Variants in RUNX1 observed in about 807,000 individuals in gnomAD.
RUNX1 encodes the protein RUNX family transcription factor 1.
Under a neutral mutation model 42.8 loss-of-function variants are expected in RUNX1, and 19 were observed. The observed-to-expected ratio is 0.44, with a 90% CI of 0.31 to 0.65. The LOEUF (loss-of-function observed/expected upper bound fraction) is 0.65. Ranked by LOEUF, RUNX1 falls within the 30% of genes least tolerant of loss-of-function variation. RUNX1 has a pLI of 0.07. For missense variants in RUNX1, 528 were observed against 672.0 expected (o/e 0.79, Z 2.37); for synonymous variants, 271 against 289.4 (o/e 0.94, Z 0.64).
chr21:35,010,195 G>GT (rs35963833), intron 2 of RUNX1, among the ~76,000 whole-genome samples: 88 of 151,122 alleles, frequency 5.8e-4, no homozygotes, highest in African/African-American at 1.9e-3. Context: ...GTTTCAAGGT[G>GT]TTTTTTTTTC....
At chr21:34,887,239 G>A (rs1001620502) in intron 3 of RUNX1, 143 bp from the exon 4 acceptor site, 2 of 1,107,422 alleles carry the variant, frequency 1.8e-6, no homozygotes, top group African/African-American at 3.3e-5. Flanking sequence ...TTACTGCGGG[G>A]GGTGGGGGGG....
chr21:34,930,299 T>TAA (rs1569110446), intron 2 of RUNX1, among the ~76,000 whole-genome samples: 50 of 143,708 alleles, frequency 3.5e-4, no homozygotes, highest in Admixed American at 2.2e-3. Flanking sequence ...TATAAATAAA[T>TAA]AAATAAAATT....
intron 2 of RUNX1, among the ~76,000 whole-genome samples, chr21:34,962,190 G>A (rs900343654): frequency 6.6e-6 from 1 of 152,218 alleles, no homozygotes; most frequent in Admixed American, 6.5e-5. Flanking sequence ...ACTGTGCCCA[G>A]CTGTAAGTTG....
intron 7 of RUNX1, among the ~76,000 whole-genome samples, chr21:34,817,131 C>T (rs2056837685): frequency 6.6e-6 from 1 of 152,208 alleles, no homozygotes; most frequent in Non-Finnish European, 1.5e-5. Flanking sequence ...AAAGTATCAA[C>T]AGTGAGCACA....
intron 6 of RUNX1, among the ~76,000 whole-genome samples, chr21:34,838,015 C>T (rs1020009100): frequency 6.6e-6 from 1 of 152,040 alleles, no homozygotes; most frequent in Non-Finnish European, 1.5e-5. Context: ...TAAGTCAATG[C>T]CGTTTGCAAA....
At chr21:34,835,919 C>T (rs969449512) in intron 6 of RUNX1, among the ~76,000 whole-genome samples, 6 of 152,148 alleles carry the variant, frequency 3.9e-5, no homozygotes, top group African/African-American at 1.4e-4. Flanking sequence ...CCAATGGCTA[C>T]AATTATAAAA....
At chr21:34,969,468 G>A (rs1251675352) in intron 2 of RUNX1, among the ~76,000 whole-genome samples, 1 of 152,122 alleles carries the variant, frequency 6.6e-6, no homozygotes, top group Non-Finnish European at 1.5e-5. Context: ...ATGAAACGTG[G>A]AGAAATAGCA....
At chr21:34,976,841 G>A (rs968666566) in intron 2 of RUNX1, among the ~76,000 whole-genome samples, 2 of 151,520 alleles carry the variant, frequency 1.3e-5, no homozygotes, top group African/African-American at 4.9e-5. Flanking sequence ...CATTCTGCTA[G>A]GTGATATCGG....
chr21:34,849,387 TATATA>T lies in RUNX1; in HGVS notation c.613+10082_613+10086del, dbSNP rs1194891479. Among the ~76,000 whole-genome samples the T allele has an allele frequency of 4.2e-3, 217 of 51,762 alleles. 21 individuals are homozygous for T. The highest frequency in any genetic ancestry group is 0.015 in the African/African-American group (199 of 13,350). 34.0% of individuals were successfully genotyped at this position (51,762 alleles called of 152,430 possible). A position where few individuals can be genotyped will look rare whatever the true frequency, so the allele number is the denominator to read the frequency against. On this transcript the variant is annotated intron_variant, in intron 6 of 8. Coordinates refer to ENST00000675419, the MANE Select transcript of RUNX1 (RefSeq NM_001754.5). Reference sequence around the variant, plus strand: ...TATTATATATACTATATACATAGTATATATAATATATTATACTATATATAATATAT... The same window carrying T: ...TATTATATATACTATATACATAGTATATATATTATACTATATATAATATAT...
intron 7 of RUNX1, among the ~76,000 whole-genome samples, chr21:34,806,571 C>T (rs1406925033): frequency 2.0e-5 from 3 of 152,156 alleles, no homozygotes; most frequent in African/African-American, 2.4e-5. Flanking sequence ...GTAATTGATA[C>T]ATCAAGCAGG....
intron 2 of RUNX1, among the ~76,000 whole-genome samples, chr21:34,935,903 A>G (rs1249037208): frequency 6.6e-6 from 1 of 152,204 alleles, no homozygotes; most frequent in Non-Finnish European, 1.5e-5. Context: ...AAGCAAACAT[A>G]ATAGATACCT....
At chr21:34,807,222 A>G (rs987259454) in intron 7 of RUNX1, among the ~76,000 whole-genome samples, 3 of 152,158 alleles carry the variant, frequency 2.0e-5, no homozygotes, top group Non-Finnish European at 2.9e-5. Flanking sequence ...CGTGCTCCCC[A>G]CAGGCGCTGG....
At chr21:34,987,776 C>G (rs1310092521) in intron 2 of RUNX1, among the ~76,000 whole-genome samples, 11 of 152,124 alleles carry the variant, frequency 7.2e-5, no homozygotes, top group African/African-American at 2.7e-4. Flanking sequence ...CGGCAGAACC[C>G]CAAGTCACTC....
At chr21:34,953,720 A>G (rs1291234640) in intron 2 of RUNX1, among the ~76,000 whole-genome samples, 1 of 152,232 alleles carries the variant, frequency 6.6e-6, no homozygotes, top group Non-Finnish European at 1.5e-5. Flanking sequence ...AGATATATTT[A>G]TTAGTCTTTA....
intron 2 of RUNX1, among the ~76,000 whole-genome samples, chr21:34,991,873 A>G (rs2058945336): frequency 6.6e-6 from 1 of 152,210 alleles, no homozygotes; most frequent in Non-Finnish European, 1.5e-5. Flanking sequence ...GAAAAAACGG[A>G]CAGACAGAGG....
intron 7 of RUNX1, among the ~76,000 whole-genome samples, chr21:34,807,227 C>T (rs961498787): frequency 6.6e-6 from 1 of 152,162 alleles, no homozygotes; most frequent in Non-Finnish European, 1.5e-5. Flanking sequence ...TCCCCACAGG[C>T]GCTGGGAGAA....
chr21:34,923,821 T>C (rs570007075), intron 2 of RUNX1, among the ~76,000 whole-genome samples: 7 of 115,170 alleles, frequency 6.1e-5, no homozygotes, highest in Admixed American at 3.4e-4. Flanking sequence ...GTTTACTTAG[T>C]AGATCTCTTC....
chr21:34,966,001 G>T (rs563615447), intron 2 of RUNX1, among the ~76,000 whole-genome samples: 1 of 152,164 alleles, frequency 6.6e-6, no homozygotes, highest in African/African-American at 2.4e-5. Flanking sequence ...TCTCGATGGA[G>T]CAGTCCCCTC....
chr21:34,831,194 G>C (rs959724338), intron 7 of RUNX1, among the ~76,000 whole-genome samples: 4 of 152,126 alleles, frequency 2.6e-5, no homozygotes, highest in Non-Finnish European at 5.9e-5. Context: ...TAGCCCAAGG[G>C]TCTACTCATG....
Sources: allele counts gnomAD v4.1 joint callset (sites outside exome capture counted in the v4.1 genomes callset), GRCh38; gene constraint gnomAD v4.1.1; transcripts MANE v1.5; gene names NCBI Gene and HGNC (gene_info 2026-07-23, HGNC 2026-07-21).